RIMS3: variants seen among roughly 807,000 people sequenced by gnomAD.
RIMS3 encodes the protein regulating synaptic membrane exocytosis 3.
A neutral mutation model predicts 29.2 loss-of-function variants in RIMS3; 15 were observed. That is an observed-to-expected ratio of 0.51 (90% confidence interval 0.34 to 0.79). The LOEUF (loss-of-function observed/expected upper bound fraction) is 0.79. Ranked by LOEUF, RIMS3 falls within the 30% of genes least tolerant of loss-of-function variation. The pLI is 0.01. For synonymous variants in RIMS3, 161 were observed against 170.1 expected (o/e 0.95, Z 0.41); for missense variants, 342 against 421.4 (o/e 0.81, Z 1.65).
the RIMS3 span, among the ~76,000 whole-genome samples, chr1:40,682,741 C>CTTTT: frequency 5.7e-4 from 44 of 77,518 alleles, 8 homozygotes; most frequent in Admixed American, 1.1e-3. Flanking sequence ...CTTTGCAGAT[C>CTTTT]TTTTTTTTTT....
intron 5 of RIMS3, among the ~76,000 whole-genome samples, chr1:40,632,438 A>T (rs1054406841): frequency 7.9e-6 from 1 of 126,612 alleles, no homozygotes; most frequent in Non-Finnish European, 1.6e-5. Flanking sequence ...ATATATATAT[A>T]TATATATATA....
chr1:40,652,258 C>T (rs1231131250), intron 1 of RIMS3, among the ~76,000 whole-genome samples: 1 of 152,182 alleles, frequency 6.6e-6, no homozygotes, highest in Non-Finnish European at 1.5e-5. Context: ...ATGACCACAC[C>T]ATCCAGTGCT....
At position 40,636,975 on chromosome 1, in the gene RIMS3, G is replaced by C. The variant is rs1359824372; in HGVS notation, c.218-918C>G. Among the ~76,000 whole-genome samples, 1 of 152,204 alleles carries C rather than the reference G, an allele frequency of 6.6e-6. No individual in the cohort carries two copies. The highest frequency in any genetic ancestry group is 6.5e-5 in the Admixed American group (1 of 15,288). ...GATGGGGGAGATGGCCTGAGGGTTT[G>C]CAGGGACTTCCCCCGCTGAAGCTTG... On this transcript the variant is annotated intron_variant, in intron 3 of 7. Transcript: ENST00000372684. This position sits in a 1 kb window ranked among gnomAD's most constrained non-coding sequence, Gnocchi z 4.2.
chr1:40,685,380 TAATA>T, the RIMS3 span, among the ~76,000 whole-genome samples: 2 of 52,878 alleles, frequency 3.8e-5, no homozygotes, highest in Non-Finnish European at 7.3e-5. Flanking sequence ...TATTAATATA[TAATA>T]AATAAAAAAA....
In RIMS3 at chr1:40,649,565, G is replaced by A. The variant is rs566681676; in HGVS notation, c.-206-1723C>T. 1.1e-4 allele frequency among the ~76,000 whole-genome samples: 17 copies of A among 152,290 alleles called. No individual in the cohort carries two copies. The South Asian group carries it at 3.1e-3, about 28-fold the overall frequency. Reference sequence around the variant, plus strand: ...ACCCCACCTCTGAGCAGGTGTGTGCGAGCTTGAACACGTGCACAAGGTGTG... The same window carrying A: ...ACCCCACCTCTGAGCAGGTGTGTGCAAGCTTGAACACGTGCACAAGGTGTG... On this transcript the variant is annotated intron_variant, in intron 1 of 7. Coordinates refer to ENST00000372684, the MANE Select transcript of RIMS3 (RefSeq NM_014747.3).
chr1:40,666,004 C>A (rs554022122), upstream of RIMS3, among the ~76,000 whole-genome samples: 4 of 152,306 alleles, frequency 2.6e-5, no homozygotes, highest in African/African-American at 9.6e-5. Context: ...ACAGGCACCA[C>A]GGCGCCCCCT....
chr1:40,637,066 T>C (rs1376860172), intron 3 of RIMS3, among the ~76,000 whole-genome samples: 1 of 152,172 alleles, frequency 6.6e-6, no homozygotes, highest in Non-Finnish European at 1.5e-5. Flanking sequence ...AAGGAACCAT[T>C]TGCTGTCACT....
In RIMS3 at chr1:40,629,347, G is replaced by A. The variant is rs1393634906; in HGVS notation, c.498C>T (p.Asp166=). ...PMGDVHIAIM[D]RSGQLEVEVI... is the part of the protein sequence containing the mutation. ...CTTCCACCTCCAGCTGGCCACTCCGGTCCATGATGGCAATGTGCACATCTC... is the reference window on the plus strand; with the variant it reads ...CTTCCACCTCCAGCTGGCCACTCCGATCCATGATGGCAATGTGCACATCTC... Residue 166 remains aspartate (D), a synonymous_variant, in exon 6 of 8, where the codon GAC becomes GAT. Transcript: ENST00000372684. 1 of 1,614,086 alleles carries A rather than the reference G, an allele frequency of 6.2e-7. No homozygotes were observed. Among genetic ancestry groups the A allele is most frequent in the Admixed American group, 1.7e-5 (1 of 60,014 alleles).
the RIMS3 span, among the ~76,000 whole-genome samples, chr1:40,672,716 C>T: frequency 1.3e-5 from 2 of 152,216 alleles, no homozygotes; most frequent in Non-Finnish European, 2.9e-5. Flanking sequence ...AAGACCTAGC[C>T]GCCAAACCAG....
In RIMS3 at chr1:40,654,840, AAACT is replaced by A. The variant is rs1642251852; in HGVS notation, c.-206-7002_-206-6999del. 1.3e-5 allele frequency among the ~76,000 whole-genome samples: 2 copies of A among 152,018 alleles called. No individual in the cohort carries two copies. Among genetic ancestry groups the A allele is most frequent in the Non-Finnish European group, 2.9e-5 (2 of 67,982 alleles). ...TTGCCAGGGACATACACACACACTT[AAACT>A]CTCTCATACATACACACACACATTA... is the stretch of plus-strand genomic sequence containing the variant. On this transcript the variant is annotated intron_variant, in intron 1 of 7. Coordinates refer to ENST00000372684, the MANE Select transcript of RIMS3 (RefSeq NM_014747.3). This position sits in a 1 kb window ranked among gnomAD's most constrained non-coding sequence, Gnocchi z 5.3.
At chr1:40,661,956 T>C (rs1570206768) in intron 1 of RIMS3, among the ~76,000 whole-genome samples, 1 of 152,118 alleles carries the variant, frequency 6.6e-6, no homozygotes, top group African/African-American at 2.4e-5. Context: ...GGACTGGCTG[T>C]CCTCCCTCCT....
At chr1:40,628,070 T>C (rs1027797019) in intron 7 of RIMS3, among the ~76,000 whole-genome samples, 3 of 152,206 alleles carry the variant, frequency 2.0e-5, no homozygotes, top group South Asian at 2.1e-4. Context: ...ACCATGATTG[T>C]TAATACTTAG....
At chr1:40,641,100 T>C (rs1182222582) in intron 3 of RIMS3, among the ~76,000 whole-genome samples, 2 of 152,226 alleles carry the variant, frequency 1.3e-5, no homozygotes. Context: ...TGTGTGGCTA[T>C]TTGTATTTAG....
chr1:40,691,796 T>C, the RIMS3 span: 2 of 450,026 alleles, frequency 4.4e-6, no homozygotes, highest in Non-Finnish European at 8.9e-6. Context: ...CCGCCGCGCC[T>C]GGGCCTCTGC....
chr1:40,674,175 A>G, the RIMS3 span, among the ~76,000 whole-genome samples: 1 of 152,184 alleles, frequency 6.6e-6, no homozygotes, highest in Non-Finnish European at 1.5e-5. Context: ...GAAGAAGAGG[A>G]GGAGGAAGAA....
the RIMS3 span, chr1:40,691,753 C>G: frequency 2.2e-6 from 1 of 455,604 alleles, no homozygotes; most frequent in Non-Finnish European, 4.4e-6. Context: ...CGCGCGCGCT[C>G]CGTTCTCCGT....
At chr1:40,691,627 G>C in the RIMS3 span, 1 of 406,730 alleles carries the variant, frequency 2.5e-6, no homozygotes, top group East Asian at 1.1e-4. Context: ...GAGACCTCAA[G>C]GAGCACAGCT....
chr1:40,664,086 A>G (rs913014039), intron 1 of RIMS3, among the ~76,000 whole-genome samples: 4 of 152,202 alleles, frequency 2.6e-5, no homozygotes, highest in Admixed American at 2.6e-4. Context: ...AAAGGGTCGG[A>G]TAAGTGTAGA....
chr1:40,672,711 C>G, the RIMS3 span, among the ~76,000 whole-genome samples: 3 of 152,224 alleles, frequency 2.0e-5, no homozygotes, highest in East Asian at 5.8e-4. Context: ...TAAATAAGAC[C>G]TAGCCGCCAA....
Sources: gnomAD v4.1 joint callset for allele counts (sites outside exome capture counted in the v4.1 genomes callset) on GRCh38, gnomAD v4.1.1 for gene constraint, Gnocchi (gnomAD v3.1) non-coding constraint, MANE v1.5 for transcripts, NCBI Gene and HGNC (gene_info 2026-07-23, HGNC 2026-07-21) for gene names.